The following BRIP1 variants were observed in gnomAD, a reference collection of about 807,000 sequenced individuals.
The protein encoded by BRIP1 is Fanconi anemia group J protein.
Under a neutral mutation model 119.7 loss-of-function variants are expected in BRIP1, and 88 were observed. That is an observed-to-expected ratio of 0.74 (90% CI 0.62 to 0.88). BRIP1 has a LOEUF of 0.88. Ranked by LOEUF, BRIP1 falls within the 40% of genes least tolerant of loss-of-function variation. BRIP1 has a pLI of 0.00. For missense variants in BRIP1, 1,259 were observed against 1,455.4 expected (o/e 0.87, Z 2.20); for synonymous variants, 443 against 496.5 (o/e 0.89, Z 1.43).
intron 17 of BRIP1, among the ~76,000 whole-genome samples, chr17:61,694,329 C>T (rs750641192): frequency 6.6e-5 from 10 of 152,112 alleles, no homozygotes; most frequent in East Asian, 1.9e-4. Context: ...TTTCATTTAA[C>T]GGGAATCAGA....
chr17:61,737,885 G>A, intron 16 of BRIP1, among the ~76,000 whole-genome samples: 1 of 152,196 alleles, frequency 6.6e-6, no homozygotes. Context: ...ATGTGCGGTA[G>A]AAATTATCCC....
intron 6 of BRIP1, among the ~76,000 whole-genome samples, chr17:61,826,252 A>C (rs1038532813): frequency 6.6e-6 from 1 of 152,080 alleles, no homozygotes; most frequent in African/African-American, 2.4e-5. Context: ...AAATTAAGAT[A>C]GATTAAAGAC....
chr17:61,741,178 C>T (rs2076982170), intron 16 of BRIP1, among the ~76,000 whole-genome samples: 1 of 152,210 alleles, frequency 6.6e-6, no homozygotes, highest in Non-Finnish European at 1.5e-5. Flanking sequence ...CCATAAAATG[C>T]AACTCCTCAT....
chr17:61,683,850 A>G lies in BRIP1; in HGVS notation c.3196T>C (p.Ser1066Pro), dbSNP rs1199327421. The G allele has an allele frequency of 6.2e-7, 1 of 1,614,156 alleles. No homozygotes were observed. Among genetic ancestry groups the G allele is most frequent in the Non-Finnish European group, 8.5e-7 (1 of 1,180,018 alleles). The change falls in exon 20 of 20, where the codon TCA becomes CCA. Residue 1066 changes from serine (S) to proline (P), a missense_variant. Ser to Pro is a moderately conservative substitution (Grantham distance 74). Transcript: ENST00000259008. The surrounding 1 kb of genome is among the most constrained non-coding windows in gnomAD (Gnocchi z 4.7). ...SNLTVNTSFGSCPQSETIISS... is the reference protein window; with the variant it reads ...SNLTVNTSFGPCPQSETIISS... The stretch of plus-strand genomic sequence containing the variant: ...ATAATGGTTTCTGATTGAGGGCATG[A>G]TCCAAACGATGTGTTTACTGTCAGA...
Position 61,756,190 on chromosome 17 carries a change from A to G in BRIP1, c.2098-11599T>C, listed in dbSNP as rs570712042. The stretch of plus-strand genomic sequence containing the variant: ...AGCTTTTATATTCTCATTGCAGGTG[A>G]CACTTGAATTACACATTTAGACAGC... On this transcript the variant is annotated intron_variant, in intron 14 of 19. Coordinates refer to ENST00000259008, the MANE Select transcript of BRIP1 (RefSeq NM_032043.3). The surrounding 1 kb of genome is among the most constrained non-coding windows in gnomAD (Gnocchi z 4.3). 1.7e-4 allele frequency among the ~76,000 whole-genome samples: 26 copies of G among 152,338 alleles called. No homozygotes were observed. The South Asian group carries it at 5.2e-3, about 30-fold the overall frequency.
rs575734446 is a variant in BRIP1, at chr17:61,795,614, A to G, written c.1341-1885T>C. 6.6e-6 allele frequency among the ~76,000 whole-genome samples: 1 copy of G among 152,250 alleles called. No homozygotes were observed. Among genetic ancestry groups the G allele is most frequent in the East Asian group, 1.9e-4 (1 of 5,180 alleles). ...CTGTGTTATGGCTGAATGGTACTCC[A>G]TTGTGTATATGTAACCACATTTTCT... On this transcript the variant is annotated intron_variant, in intron 9 of 19. Coordinates refer to ENST00000259008, the MANE Select transcript of BRIP1 (RefSeq NM_032043.3). This position sits in a 1 kb window ranked among gnomAD's most constrained non-coding sequence, Gnocchi z 5.6.
At position 61,684,155 on chromosome 17, in the gene BRIP1, A is replaced by AT. The variant is rs1456830185; in HGVS notation, c.2906-16dup. ...TACTGGATCATCTAAGAATACAAGAATTTAAGAGATTTAACTTTCTGCTCC... is the reference window on the plus strand; with the variant it reads ...TACTGGATCATCTAAGAATACAAGAATTTTAAGAGATTTAACTTTCTGCTCC... On this transcript the variant is annotated splice_polypyrimidine_tract_variant and intron_variant, in intron 19 of 19. Transcript: ENST00000259008. The surrounding 1 kb of genome is among the most constrained non-coding windows in gnomAD (Gnocchi z 4.5). 1.2e-6 allele frequency: 2 copies of AT among 1,611,094 alleles called. No homozygotes were observed. The highest frequency in any genetic ancestry group is 2.7e-5 in the African/African-American group (2 of 74,802).
chr17:61,718,612 C>G (rs1179729975), intron 16 of BRIP1, among the ~76,000 whole-genome samples: 1 of 152,214 alleles, frequency 6.6e-6, no homozygotes, highest in African/African-American at 2.4e-5. Context: ...CAAATTCTAG[C>G]TGCCACGGAC....
rs2078343349 is a variant in BRIP1 at position 61,822,614 on chromosome 17, G to T, written c.628-13857C>A. Reference sequence around the variant, plus strand: ...TGTTCAGAATATTAGATTAAGGAAAGAGCTGAGACAAGGTTTCCTTGTGGA... The same window carrying T: ...TGTTCAGAATATTAGATTAAGGAAATAGCTGAGACAAGGTTTCCTTGTGGA... On this transcript the variant is annotated intron_variant, in intron 6 of 19. Transcript: ENST00000259008. The surrounding 1 kb of genome is among the most constrained non-coding windows in gnomAD (Gnocchi z 4.4). Among the ~76,000 whole-genome samples the T allele has an allele frequency of 6.6e-6, 1 of 152,172 alleles. No individual in the cohort carries two copies. Among genetic ancestry groups the T allele is most frequent in the Non-Finnish European group, 1.5e-5 (1 of 68,024 alleles).
rs1357030441 is a variant in BRIP1 at position 61,803,592 on chromosome 17, C to A, written c.919-2118G>T. ...GAGCAGTGACCACGCCACTGCACTC[C>A]AGCCTGGGCAACAGAGTGAGATCCT... On this transcript the variant is annotated intron_variant, in intron 7 of 19. Transcript: ENST00000259008. The surrounding 1 kb of genome is among the most constrained non-coding windows in gnomAD (Gnocchi z 4.3). Among the ~76,000 whole-genome samples, 1 of 152,016 alleles carries A rather than the reference C, an allele frequency of 6.6e-6. No homozygotes were observed. The highest frequency in any genetic ancestry group is 1.9e-4 in the East Asian group (1 of 5,174).
At position 61,825,175 on chromosome 17, in the gene BRIP1, C is replaced by T. The variant is rs2078386130; in HGVS notation, c.628-16418G>A. ...TGGCGGGCACCTGTAGTCTCAGCTA[C>T]TAGGGAGGCTGAGGCAGGAGAATGG... On this transcript the variant is annotated intron_variant, in intron 6 of 19. Transcript: ENST00000259008. This position sits in a 1 kb window ranked among gnomAD's most constrained non-coding sequence, Gnocchi z 4.1. 6.6e-6 allele frequency among the ~76,000 whole-genome samples: 1 copy of T among 151,886 alleles called. No individual in the cohort carries two copies. Among genetic ancestry groups the T allele is most frequent in the Admixed American group, 6.6e-5 (1 of 15,246 alleles).
rs1205068960 is a variant in BRIP1, at chr17:61,686,390, G to C, written c.2576-225C>G. 6.6e-6 allele frequency among the ~76,000 whole-genome samples: 1 copy of C among 152,126 alleles called. No homozygotes were observed. The highest frequency in any genetic ancestry group is 1.5e-5 in the Non-Finnish European group (1 of 68,020). ...ATATACAGTAATTGTCAAATGGAGA[G>C]AGCAAAGAGGCAGTAGAAGTAGGGC... On this transcript the variant is annotated intron_variant, in intron 18 of 19. Transcript: ENST00000259008. The surrounding 1 kb of genome is among the most constrained non-coding windows in gnomAD (Gnocchi z 5.4).
Position 61,684,588 on chromosome 17 carries a change from T to G in BRIP1, c.2906-448A>C, listed in dbSNP as rs556353488. On this transcript the variant is annotated intron_variant, in intron 19 of 19. Coordinates refer to ENST00000259008, the MANE Select transcript of BRIP1 (RefSeq NM_032043.3). The surrounding 1 kb of genome is among the most constrained non-coding windows in gnomAD (Gnocchi z 4.5). ...ATTTGCTCAAAGTTATAAAACTGGT[T>G]AGTAAGAAGACCAAGACTAGAAACT... 2.0e-5 allele frequency among the ~76,000 whole-genome samples: 3 copies of G among 152,162 alleles called. No individual in the cohort carries two copies. The highest frequency in any genetic ancestry group is 4.4e-5 in the Non-Finnish European group (3 of 68,030).
Position 61,724,890 on chromosome 17 carries a change from T to A in BRIP1, c.2380-8827A>T, listed in dbSNP as rs2076744777. ...GTGCAGGGCCTAAAGCCTAAACATT[T>A]ACAGCAAACCAAATCTGGAAGACAG... On this transcript the variant is annotated intron_variant, in intron 16 of 19. Transcript: ENST00000259008. This position sits in a 1 kb window ranked among gnomAD's most constrained non-coding sequence, Gnocchi z 5.1. 6.6e-6 allele frequency among the ~76,000 whole-genome samples: 1 copy of A among 152,220 alleles called. No individual in the cohort carries two copies. The highest frequency in any genetic ancestry group is 1.5e-5 in the Non-Finnish European group (1 of 68,030).
chr17:61,684,663 A>T lies in BRIP1; in HGVS notation c.2906-523T>A. ...CGGCTTGAATTCACTATTTATAGTG[A>T]ATTTTGTATTACTATTTTGTAGTAT... is the stretch of plus-strand genomic sequence containing the variant. On this transcript the variant is annotated intron_variant, in intron 19 of 19. Coordinates refer to ENST00000259008, the MANE Select transcript of BRIP1 (RefSeq NM_032043.3). The surrounding 1 kb of genome is among the most constrained non-coding windows in gnomAD (Gnocchi z 4.5). 6.5e-6 allele frequency: 1 copy of T among 152,792 alleles called. No homozygotes were observed. The highest frequency in any genetic ancestry group is 2.1e-4 in the South Asian group (1 of 4,854). The allele number at this position is 152,792 out of a possible 1,614,324, so 9.5% of individuals were successfully genotyped here.
rs991472856 is a variant in BRIP1 at position 61,798,847 on chromosome 17, T to C, written c.1340+253A>G. Reference sequence around the variant, plus strand: ...ATCCTAGACACATCCTTCGGGGCTATTATGTTATCCTGCCAAATTAGGAAT... The same window carrying C: ...ATCCTAGACACATCCTTCGGGGCTACTATGTTATCCTGCCAAATTAGGAAT... On this transcript the variant is annotated intron_variant, in intron 9 of 19. Coordinates refer to ENST00000259008, the MANE Select transcript of BRIP1 (RefSeq NM_032043.3). This position sits in a 1 kb window ranked among gnomAD's most constrained non-coding sequence, Gnocchi z 5.5. Among the ~76,000 whole-genome samples, 3 of 152,092 alleles carry C rather than the reference T, an allele frequency of 2.0e-5. No homozygotes were observed. Among genetic ancestry groups the C allele is most frequent in the African/African-American group, 7.2e-5 (3 of 41,448 alleles).
In BRIP1 at chr17:61,740,780, G is replaced by A. The variant is rs550590240; in HGVS notation, c.2379+2233C>T. 6.6e-6 allele frequency among the ~76,000 whole-genome samples: 1 copy of A among 152,278 alleles called. No homozygotes were observed. The highest frequency in any genetic ancestry group is 1.5e-5 in the Non-Finnish European group (1 of 68,018). On this transcript the variant is annotated intron_variant, in intron 16 of 19. Coordinates refer to ENST00000259008, the MANE Select transcript of BRIP1 (RefSeq NM_032043.3). This position sits in a 1 kb window ranked among gnomAD's most constrained non-coding sequence, Gnocchi z 5.4. ...TTGAAAATATTTTATTGCTAAAAAA[G>A]GTGAATGATCATCTGAGCCTTCAGT... is the stretch of plus-strand genomic sequence containing the variant.
intron 3 of BRIP1, among the ~76,000 whole-genome samples, chr17:61,858,801 T>C (rs2078934331): frequency 6.6e-6 from 1 of 152,224 alleles, no homozygotes; most frequent in Non-Finnish European, 1.5e-5. Context: ...GTTAAAGCCA[T>C]CTAATGTAAC....
chr17:61,697,837 G>A (rs1048929299), intron 17 of BRIP1, among the ~76,000 whole-genome samples: 5 of 150,366 alleles, frequency 3.3e-5, no homozygotes, highest in East Asian at 1.9e-4. Context: ...ACAGAGTCTC[G>A]CTCTGTCAGC....
Sources: gnomAD v4.1 joint callset for allele counts (sites outside exome capture counted in the v4.1 genomes callset) on GRCh38, gnomAD v4.1.1 for gene constraint, Gnocchi (gnomAD v3.1) non-coding constraint, MANE v1.5 for transcripts, NCBI Gene and HGNC (gene_info 2026-07-23, HGNC 2026-07-21) for gene names.